The following FAP variants were observed in gnomAD, a reference collection of about 807,000 sequenced individuals.
FAP encodes the protein prolyl endopeptidase FAP.
In FAP, 110 loss-of-function variants were observed where a neutral mutation model predicts 126.5. That is an observed-to-expected ratio of 0.87 (90% CI 0.74 to 1.02). FAP has a LOEUF of 1.02. FAP is among the 50% of genes least tolerant of loss of function. The pLI is 0.00. For synonymous variants in FAP, 334 were observed against 297.3 expected (o/e 1.12, Z -1.27); for missense variants, 919 against 909.2 (o/e 1.01, Z -0.14).
chr2:162,198,079 G>C, intron 16 of FAP: 2 of 892,822 alleles, frequency 2.2e-6, no homozygotes, highest in Non-Finnish European at 3.0e-6. Flanking sequence ...AAATTATATG[G>C]GTAGAAATTA....
At chr2:162,173,594 T>C in intron 23 of FAP, 129 bp downstream of exon 23, 1 of 692,596 alleles carries the variant, frequency 1.4e-6, no homozygotes, top group Admixed American at 2.3e-5. Flanking sequence ...GTGATGTGTT[T>C]TGCAATTAAC....
At position 162,170,964 on chromosome 2, in the gene FAP, G is replaced by A; in HGVS notation, c.*15C>T. The A allele has an allele frequency of 6.3e-7, 1 of 1,585,376 alleles. No individual in the cohort carries two copies. The highest frequency in any genetic ancestry group is 1.1e-5 in the South Asian group (1 of 90,380). ...GGTTTTCAGATTCTGATACAGGCTT[G>A]CATCTGCATCGTTTTTAGTCTGACA... is the stretch of plus-strand genomic sequence containing the variant. On this transcript the variant is annotated 3_prime_UTR_variant, in exon 26 of 26. Coordinates refer to ENST00000188790, the MANE Select transcript of FAP (RefSeq NM_004460.5).
chr2:162,200,608 C>T lies in FAP; in HGVS notation c.1235G>A (p.Ser412Asn). 1 of 1,445,780 alleles carries T rather than the reference C, an allele frequency of 6.9e-7. No individual in the cohort carries two copies. Among genetic ancestry groups the T allele is most frequent in the Non-Finnish European group, 9.5e-7 (1 of 1,054,746 alleles). The allele number at this position is 1,445,780 out of a possible 1,614,324, so 89.6% of individuals were successfully genotyped here. The change falls in exon 15 of 26, where the codon AGC (serine) becomes AAC (asparagine). Residue 412 changes from serine to asparagine, a missense_variant. Transcript: ENST00000188790. The part of the protein sequence containing the change: ...RVTQDSLFYS[S>N]NEFEEYPGRR... ...TCCAGGGTATTCTTCAAATTCATTG[C>T]TAGAATAAAACCTGAAAATATATTC... is the stretch of plus-strand genomic sequence containing the variant.
intron 25 of FAP, 25 bp downstream of exon 25, chr2:162,172,786 A>G: frequency 1.9e-6 from 3 of 1,543,492 alleles, no homozygotes; most frequent in Non-Finnish European, 2.7e-6. Context: ...AAGGCCATGA[A>G]CATGAGTAAA....
In FAP at chr2:162,203,161, A is replaced by T; in HGVS notation, c.1048-16T>A. 6.4e-7 allele frequency: 1 copy of T among 1,559,950 alleles called. No individual in the cohort carries two copies. ...AAACAAAGAACTGAAAAAAATTAGC[A>T]GAGGTTATGTTCAAAAGACAAACCA... On this transcript the variant is annotated splice_polypyrimidine_tract_variant and intron_variant, in intron 12 of 25. Transcript: ENST00000188790.
At chr2:162,230,247 TAA>T (rs1414567304) in intron 2 of FAP, among the ~76,000 whole-genome samples, 1 of 152,196 alleles carries the variant, frequency 6.6e-6, no homozygotes, top group East Asian at 1.9e-4. Context: ...GATGGTGCAT[TAA>T]GTCACATGTT....
intron 12 of FAP, among the ~76,000 whole-genome samples, chr2:162,207,771 C>T (rs370565964): frequency 6.8e-4 from 102 of 150,580 alleles, no homozygotes; most frequent in South Asian, 8.4e-4. Context: ...AGTGCAGTGG[C>T]GCGATCTCTG....
At chr2:162,241,783 C>T (rs1249831810) in intron 2 of FAP, among the ~76,000 whole-genome samples, 1 of 152,116 alleles carries the variant, frequency 6.6e-6, no homozygotes, top group African/African-American at 2.4e-5. Context: ...TCTCAACAGC[C>T]TAAGAAGAAT....
chr2:162,183,618 A>T (rs1687767163), intron 20 of FAP, 150 bp from the exon 21 acceptor site: 1 of 597,250 alleles, frequency 1.7e-6, no homozygotes, highest in Non-Finnish European at 3.0e-6. Flanking sequence ...TTTACAAATA[A>T]TTAAAATAAT....
At chr2:162,212,993 G>A (rs16846375) in intron 11 of FAP, among the ~76,000 whole-genome samples, 5,579 of 152,266 alleles carry the variant, frequency 0.037, 480 homozygotes, top group Admixed American at 0.22. Context: ...ATTAGTACAT[G>A]TCGGGTACTG....
chr2:162,219,722 C>T (rs937158943), intron 7 of FAP, 131 bp downstream of exon 7: 4 of 693,454 alleles, frequency 5.8e-6, no homozygotes, highest in East Asian at 2.7e-5. Flanking sequence ...AAACTCTTCC[C>T]GTTTTTAACC....
chr2:162,183,677 T>C (rs1235974858), intron 20 of FAP: 3 of 481,104 alleles, frequency 6.2e-6, no homozygotes, highest in Admixed American at 7.5e-5. Context: ...TAGACTCTGT[T>C]GTACAGTTAT....
chr2:162,205,891 CACA>C (rs57796190), intron 12 of FAP, among the ~76,000 whole-genome samples: 2 of 152,198 alleles, frequency 1.3e-5, no homozygotes, highest in African/African-American at 4.8e-5. Context: ...AAACCTGAAT[CACA>C]ACATTTTTAA....
chr2:162,229,629 C>A (rs1241936838), intron 2 of FAP, among the ~76,000 whole-genome samples: 1 of 152,052 alleles, frequency 6.6e-6, no homozygotes, highest in Non-Finnish European at 1.5e-5. Context: ...TTTTTAAATA[C>A]CTACTCATTT....
At chr2:162,206,248 T>C (rs2106254236) in intron 12 of FAP, among the ~76,000 whole-genome samples, 2 of 152,342 alleles carry the variant, frequency 1.3e-5, no homozygotes, top group Admixed American at 1.3e-4. Flanking sequence ...TTCTTGCAAG[T>C]CACACCTGGA....
At chr2:162,236,477 A>G (rs994994101) in intron 2 of FAP, among the ~76,000 whole-genome samples, 1 of 151,840 alleles carries the variant, frequency 6.6e-6, no homozygotes, top group African/African-American at 2.4e-5. Context: ...AAGTTTTAAA[A>G]TGACTAATTC....
intron 2 of FAP, among the ~76,000 whole-genome samples, chr2:162,235,016 C>T (rs892914476): frequency 6.6e-6 from 1 of 152,102 alleles, no homozygotes; most frequent in African/African-American, 2.4e-5. Context: ...ACCGGGTCCC[C>T]TAGCAGTGCT....
intron 12 of FAP, among the ~76,000 whole-genome samples, chr2:162,207,822 T>C (rs1024501744): frequency 1.3e-5 from 2 of 151,838 alleles, no homozygotes; most frequent in Non-Finnish European, 2.9e-5. Context: ...GCCATTCTCT[T>C]GCCTCAGCCT....
chr2:162,203,186 A>T, intron 12 of FAP, 41 bp from the exon 13 acceptor site: 1 of 1,331,112 alleles, frequency 7.5e-7, no homozygotes, highest in Non-Finnish European at 1.1e-6. Context: ...AAGACAAACC[A>T]AACTAAAACC....
Sources: gnomAD v4.1 joint callset for allele counts (sites outside exome capture counted in the v4.1 genomes callset) on GRCh38, gnomAD v4.1.1 for gene constraint, MANE v1.5 for transcripts, NCBI Gene and HGNC (gene_info 2026-07-23, HGNC 2026-07-21) for gene names.